DAB2IP: variants seen among roughly 807,000 people sequenced by gnomAD.
DAB2IP encodes the protein DAB2 interacting protein.
In DAB2IP, 28 loss-of-function variants were observed where a neutral mutation model predicts 107.2. That is an observed-to-expected ratio of 0.26 (90% CI 0.19 to 0.36). The LOEUF (loss-of-function observed/expected upper bound fraction) is 0.36. DAB2IP is among the 10% of genes least tolerant of loss of function. The probability of loss-of-function intolerance (pLI) is 1.00; values close to 1 mark genes in which losing one functional copy is unlikely to be tolerated. For missense variants in DAB2IP, 1,400 were observed against 1,644.7 expected, an observed-to-expected ratio of 0.85 and a Z score of 2.57; for synonymous variants, 755 against 706.4, an observed-to-expected ratio of 1.07 and a Z score of -1.09.
intron 4 of DAB2IP, among the ~76,000 whole-genome samples, chr9:121,757,984 C>T (rs1202046163): frequency 6.6e-6 from 1 of 152,212 alleles, no homozygotes; most frequent in Non-Finnish European, 1.5e-5. Flanking sequence ...TGGCACCTGC[C>T]CCATACCCTG....
intron 3 of DAB2IP, among the ~76,000 whole-genome samples, chr9:121,755,171 G>A (rs936983915): frequency 1.3e-5 from 2 of 152,212 alleles, no homozygotes; most frequent in African/African-American, 2.4e-5. Context: ...CAGGCCGCTC[G>A]AGCAAGGCCT....
chr9:121,721,412 T>A (rs1480052873), intron 3 of DAB2IP, among the ~76,000 whole-genome samples: 3 of 152,362 alleles, frequency 2.0e-5, no homozygotes, highest in Non-Finnish European at 4.4e-5. Context: ...AAGTCCCTGC[T>A]GTGTGCCAGG....
At chr9:121,628,906 A>AT (rs2119011970) in intron 1 of DAB2IP, among the ~76,000 whole-genome samples, 1 of 152,314 alleles carries the variant, frequency 6.6e-6, no homozygotes, top group African/African-American at 2.4e-5. Context: ...AAATGTGATG[A>AT]TAACAGTTCC....
intron 14 of DAB2IP, among the ~76,000 whole-genome samples, chr9:121,778,768 A>G (rs1835387470): frequency 6.6e-6 from 1 of 152,244 alleles, no homozygotes; most frequent in African/African-American, 2.4e-5. Flanking sequence ...AAAACAGGCA[A>G]TGGTCCAGAT....
intron 3 of DAB2IP, among the ~76,000 whole-genome samples, chr9:121,735,814 G>A (rs560712884): frequency 6.6e-6 from 1 of 152,208 alleles, no homozygotes; most frequent in South Asian, 2.1e-4. Flanking sequence ...GGTTGGCTGG[G>A]TGTGCCTTTC....
rs1833253719 is a variant in DAB2IP at position 121,662,568 on chromosome 9, C to CTGAA, written c.124+10669_124+10670insTGAA. On this transcript the variant is annotated intron_variant, in intron 1 of 15. Coordinates refer to ENST00000408936, the Ensembl canonical transcript of DAB2IP. The surrounding 1 kb of genome is among the most constrained non-coding windows in gnomAD (Gnocchi z 4.6). The stretch of plus-strand genomic sequence containing the variant: ...AGAGTTGAATAGCTGAGACAGAGAC[C>CTGAA]ATATGGACTTGTAAGCCTGAAATAT... 6.6e-6 allele frequency among the ~76,000 whole-genome samples: 1 copy of CTGAA among 152,146 alleles called. No individual in the cohort carries two copies. Among genetic ancestry groups the CTGAA allele is most frequent in the South Asian group, 2.1e-4 (1 of 4,830 alleles).
At chr9:121,582,542 G>A (rs1037455905) in intron 1 of DAB2IP, among the ~76,000 whole-genome samples, 3 of 151,762 alleles carry the variant, frequency 2.0e-5, no homozygotes, top group Non-Finnish European at 2.9e-5. Context: ...CTCCACTGGC[G>A]CCCCCGTGAC....
intron 1 of DAB2IP, among the ~76,000 whole-genome samples, chr9:121,573,532 G>A (rs1044318177): frequency 4.6e-5 from 7 of 151,844 alleles, no homozygotes; most frequent in African/African-American, 7.3e-5. Context: ...CTACAGGCGC[G>A]CAACACCAGG....
At chr9:121,704,296 G>A (rs1829944446) in intron 3 of DAB2IP, among the ~76,000 whole-genome samples, 1 of 152,174 alleles carries the variant, frequency 6.6e-6, no homozygotes, top group African/African-American at 2.4e-5. Flanking sequence ...TGATTTTTGA[G>A]AGTGCTTACC....
At chr9:121,721,905 G>A (rs1830957366) in intron 3 of DAB2IP, among the ~76,000 whole-genome samples, 2 of 152,204 alleles carry the variant, frequency 1.3e-5, no homozygotes. Flanking sequence ...GAAGTGAGGG[G>A]CGGAACTGAT....
rs1588027573 is a variant in DAB2IP, at chr9:121,782,852, C to T, written c.*354C>T. The stretch of plus-strand genomic sequence containing the variant: ...CTGGCCGAGTGCATGTGTCCCCCCA[C>T]ACCTGTGCCAGGGAGGGGGCTTCCT... On this transcript the variant is annotated 3_prime_UTR_variant, in exon 16 of 16. Transcript: ENST00000408936. The surrounding 1 kb of genome is among the most constrained non-coding windows in gnomAD (Gnocchi z 6.1). 1.9e-6 allele frequency: 2 copies of T among 1,077,500 alleles called. No homozygotes were observed. Among genetic ancestry groups the T allele is most frequent in the East Asian group, 7.2e-5 (1 of 13,950 alleles). 66.7% of individuals were successfully genotyped at this position (1,077,500 alleles called of 1,614,324 possible). A position where few individuals can be genotyped will look rare whatever the true frequency, so the allele number is the denominator to read the frequency against.
intron 1 of DAB2IP, among the ~76,000 whole-genome samples, chr9:121,582,036 G>A (rs1041354491): frequency 8.5e-5 from 13 of 152,332 alleles, no homozygotes; most frequent in Admixed American, 2.0e-4. Context: ...CCTTCACCAC[G>A]GTTGGGGGCC....
Position 121,699,394 on chromosome 9 carries a change from C to G in DAB2IP, c.298C>G (p.His100Asp). The stretch of plus-strand genomic sequence containing the variant: ...GAGCCAGCCCAAGCTGGACCGCAAC[C>G]ACAGCTTCCGCCACATCCTGCCGGG... Residue 100 changes from histidine (H) to aspartate (D), a missense_variant, in exon 3 of 16, where the codon CAC (histidine) becomes GAC (aspartate). His to Asp is a moderately conservative substitution (Grantham distance 81). Transcript: ENST00000408936. This position sits in a 1 kb window ranked among gnomAD's most constrained non-coding sequence, Gnocchi z 6.2. The G allele has an allele frequency of 6.8e-7, 1 of 1,480,692 alleles. No homozygotes were observed. The highest frequency in any genetic ancestry group is 1.3e-5 in the South Asian group (1 of 79,170). The allele number at this position is 1,480,692 out of a possible 1,614,324, so 91.7% of individuals were successfully genotyped here.
At chr9:121,609,275 G>T (rs1359469572) in intron 1 of DAB2IP, among the ~76,000 whole-genome samples, 1 of 152,288 alleles carries the variant, frequency 6.6e-6, no homozygotes, top group South Asian at 2.1e-4. Context: ...GCTCCTGGTT[G>T]TCCATCTGTC....
chr9:121,705,234 CAT>C (rs1829999643), intron 3 of DAB2IP, among the ~76,000 whole-genome samples: 1 of 152,184 alleles, frequency 6.6e-6, no homozygotes, highest in African/African-American at 2.4e-5. Context: ...TTTGCACAAG[CAT>C]ATGTTTGTCT....
At chr9:121,623,970 C>T (rs1831559406) in intron 1 of DAB2IP, among the ~76,000 whole-genome samples, 1 of 152,216 alleles carries the variant, frequency 6.6e-6, no homozygotes, top group African/African-American at 2.4e-5. Context: ...CATGTTTGTA[C>T]ATTTTCTAAT....
chr9:121,776,145 C>T lies in DAB2IP; in HGVS notation c.3121-53C>T. The T allele has an allele frequency of 1.3e-6, 2 of 1,546,266 alleles. No individual in the cohort carries two copies. Among genetic ancestry groups the T allele is most frequent in the Non-Finnish European group, 1.7e-6 (2 of 1,144,360 alleles). Reference sequence around the variant, plus strand: ...CTTCCTCCCACTCGGGCTGACGAAGCTGTGCTCTCTGTGTCCTGGGTGCTG... The same window carrying T: ...CTTCCTCCCACTCGGGCTGACGAAGTTGTGCTCTCTGTGTCCTGGGTGCTG... On this transcript the variant is annotated intron_variant, in intron 13 of 15. Transcript: ENST00000408936. The surrounding 1 kb of genome is among the most constrained non-coding windows in gnomAD (Gnocchi z 5.4).
intron 1 of DAB2IP, among the ~76,000 whole-genome samples, chr9:121,573,106 C>T (rs889143217): frequency 1.3e-5 from 2 of 152,114 alleles, no homozygotes; most frequent in South Asian, 2.1e-4. Flanking sequence ...GATGGAGTTT[C>T]GCTCTTGTTG....
chr9:121,782,697 A>G lies in DAB2IP; in HGVS notation c.*199A>G. ...TGAAGCAGCGTGAGGCGAGGTCACC[A>G]GCCGCTCCCTGTGGGGTGCGGGCAG... On this transcript the variant is annotated 3_prime_UTR_variant, in exon 16 of 16. Coordinates refer to ENST00000408936, the Ensembl canonical transcript of DAB2IP. This position sits in a 1 kb window ranked among gnomAD's most constrained non-coding sequence, Gnocchi z 6.1. 2 of 1,421,816 alleles carry G rather than the reference A, an allele frequency of 1.4e-6. No individual in the cohort carries two copies. The highest frequency in any genetic ancestry group is 1.8e-6 in the Non-Finnish European group (2 of 1,090,994). The allele number at this position is 1,421,816 out of a possible 1,614,324, so 88.1% of individuals were successfully genotyped here.
Sources: gnomAD v4.1 joint callset for allele counts (sites outside exome capture counted in the v4.1 genomes callset) on GRCh38, gnomAD v4.1.1 for gene constraint, Gnocchi (gnomAD v3.1) non-coding constraint, MANE v1.5 for transcripts, NCBI Gene and HGNC (gene_info 2026-07-23, HGNC 2026-07-21) for gene names.